The following ANKHD1 variants were observed in gnomAD, a reference collection of about 807,000 sequenced individuals.
ANKHD1 encodes ankyrin repeat and KH domain containing 1.
Under a neutral mutation model 230.5 loss-of-function variants are expected in ANKHD1, and 31 were observed. That is an observed-to-expected ratio of 0.13 (90% CI 0.10 to 0.18). The LOEUF (loss-of-function observed/expected upper bound fraction) is 0.18. Among genes scored for constraint, ANKHD1 ranks in the 10% least tolerant of loss-of-function variants. ANKHD1 has a pLI of 1.00. For synonymous variants in ANKHD1, 1,074 were observed against 1,117.6 expected, an observed-to-expected ratio of 0.96 and a Z score of 0.78; for missense variants, 2,256 against 3,071.3, an observed-to-expected ratio of 0.73 and a Z score of 6.27.
chr5:140,473,536 G>A (rs189471937), intron 10 of ANKHD1, among the ~76,000 whole-genome samples: 1 of 152,062 alleles, frequency 6.6e-6, no homozygotes, highest in East Asian at 1.9e-4. Flanking sequence ...CCCATCCCAG[G>A]CTCAAGTGAT....
chr5:140,464,613 A>G, intron 9 of ANKHD1, 54 bp from the exon 10 acceptor site: 1 of 1,443,812 alleles, frequency 6.9e-7, no homozygotes, highest in African/African-American at 1.4e-5. Context: ...AAATTGGACT[A>G]TCTAATACAA....
chr5:140,520,524 C>T (rs1169332416), intron 24 of ANKHD1, among the ~76,000 whole-genome samples: 2 of 151,770 alleles, frequency 1.3e-5, no homozygotes, highest in South Asian at 2.1e-4. Flanking sequence ...GACTTGGAAC[C>T]AACCCAAATG....
rs1753491474 is a variant in ANKHD1 at position 140,524,101 on chromosome 5, TAAAAGAGAAAAAAGAAAAG to T, written c.4372_4390del (p.Glu1458LysfsTer41). 2 of 1,586,600 alleles carry T rather than the reference TAAAAGAGAAAAAAGAAAAG, an allele frequency of 1.3e-6. No individual in the cohort carries two copies. The highest frequency in any genetic ancestry group is 2.3e-5 in the East Asian group (1 of 44,266). ...AGAGCAGAAAGCAGGCTCTTGCTGC[TAAAAGAGAAAAAAGAAAAG>T]AAAAGAGAAAAAAGAAAAAAGAGGA... On this transcript the variant is annotated frameshift_variant, in exon 25 of 34. Transcript: ENST00000360839. LOFTEE classifies it high-confidence loss of function.
In ANKHD1 at chr5:140,529,351, T is replaced by C. The variant is rs746991899; in HGVS notation, c.6405T>C (p.His2135=). ...CTGTACCAGCACCTCGAGTTTCTCA[T>C]CGAATGCAGCCCAGAGGTTCTTTTT... The part of the protein sequence containing the change: ...QLAVPAPRVS[H]RMQPRGSFYS... The change falls in exon 29 of 34, where the codon CAT becomes CAC. Residue 2135 remains histidine, a synonymous_variant. Coordinates refer to ENST00000360839, the MANE Select transcript of ANKHD1 (RefSeq NM_017747.3). 1 of 1,614,182 alleles carries C rather than the reference T, an allele frequency of 6.2e-7. No homozygotes were observed. Among genetic ancestry groups the C allele is most frequent in the Non-Finnish European group, 8.5e-7 (1 of 1,180,028 alleles).
chr5:140,479,561 GCA>G (rs1392198180), intron 10 of ANKHD1, among the ~76,000 whole-genome samples: 3 of 151,472 alleles, frequency 2.0e-5, no homozygotes, highest in Admixed American at 6.6e-5. Flanking sequence ...CCCATGATAT[GCA>G]CACATATATG....
In ANKHD1 at chr5:140,444,088, C is replaced by G. The variant is rs1297204185; in HGVS notation, c.914-1654C>G. 7.6e-5 allele frequency among the ~76,000 whole-genome samples: 11 copies of G among 145,394 alleles called. No individual in the cohort carries two copies. In the South Asian group the frequency reaches 9.0e-4, roughly 12 times the overall value. ...CTTGGTTGAGATGAAGTCCCCCCCC[C>G]CCTTTTTTTTTTTTTTAGCTGAAAT... On this transcript the variant is annotated intron_variant, in intron 5 of 33. Transcript: ENST00000360839.
chr5:140,536,171 C>T (rs1201184643), intron 30 of ANKHD1, among the ~76,000 whole-genome samples: 2 of 152,166 alleles, frequency 1.3e-5, no homozygotes, highest in African/African-American at 4.8e-5. Flanking sequence ...TTGGTTCACT[C>T]CACCTTCTGC....
intron 10 of ANKHD1, among the ~76,000 whole-genome samples, chr5:140,480,602 A>G (rs553528588): frequency 6.6e-6 from 1 of 152,226 alleles, no homozygotes; most frequent in African/African-American, 2.4e-5. Context: ...TCTAATAATA[A>G]CATATCAGTT....
At chr5:140,412,280 C>T (rs1431947808) in intron 1 of ANKHD1, among the ~76,000 whole-genome samples, 1 of 151,906 alleles carries the variant, frequency 6.6e-6, no homozygotes, top group African/African-American at 2.4e-5. Flanking sequence ...TTGTGATCTG[C>T]CCACCTCCCA....
chr5:140,429,724 TGA>T (rs1201854913), intron 1 of ANKHD1, among the ~76,000 whole-genome samples: 7 of 152,222 alleles, frequency 4.6e-5, no homozygotes, highest in Non-Finnish European at 7.3e-5. Flanking sequence ...AAATACAGTC[TGA>T]GAGAAGTTAA....
At chr5:140,420,846 A>T (rs1199470673) in intron 1 of ANKHD1, among the ~76,000 whole-genome samples, 2 of 152,056 alleles carry the variant, frequency 1.3e-5, no homozygotes, top group African/African-American at 2.4e-5. Flanking sequence ...TGTTCTCTTG[A>T]TGTGGTCTTT....
chr5:140,504,722 C>T (rs2127051013), intron 15 of ANKHD1, 99 bp from the exon 16 acceptor site: 1 of 1,457,154 alleles, frequency 6.9e-7, no homozygotes, highest in Non-Finnish European at 9.2e-7. Context: ...ACTATTACTA[C>T]ATATTACTGC....
At chr5:140,503,136 A>G (rs1034655284) in intron 15 of ANKHD1, among the ~76,000 whole-genome samples, 1 of 152,162 alleles carries the variant, frequency 6.6e-6, no homozygotes, top group East Asian at 1.9e-4. Flanking sequence ...ATTTTCCAAC[A>G]CTTAAAATGC....
chr5:140,500,619 GC>G (rs1401417096), intron 15 of ANKHD1, among the ~76,000 whole-genome samples: 1 of 143,386 alleles, frequency 7.0e-6, no homozygotes, highest in East Asian at 2.0e-4. Flanking sequence ...CTGCACTCCA[GC>G]ATGGGGCAAC....
intron 24 of ANKHD1, among the ~76,000 whole-genome samples, chr5:140,518,746 G>C (rs1753171199): frequency 6.6e-6 from 1 of 152,116 alleles, no homozygotes; most frequent in Admixed American, 6.6e-5. Flanking sequence ...AACCCTTCAT[G>C]CTAAAAACTC....
Position 140,505,712 on chromosome 5 carries a change from T to C in ANKHD1, c.3263-12T>C. On this transcript the variant is annotated splice_polypyrimidine_tract_variant and intron_variant, in intron 17 of 33. Transcript: ENST00000360839. ...ACATAAATTTGTTTAAGATTTTCAT[T>C]TTCTGATTTAGGTTTCACACCACTA... The C allele has an allele frequency of 6.3e-7, 1 of 1,576,400 alleles. No individual in the cohort carries two copies. The highest frequency in any genetic ancestry group is 1.2e-5 in the South Asian group (1 of 84,470).
At chr5:140,500,578 G>C (rs1239402656) in intron 15 of ANKHD1, among the ~76,000 whole-genome samples, 1 of 150,372 alleles carries the variant, frequency 6.7e-6, no homozygotes, top group Non-Finnish European at 1.5e-5. Context: ...AACCCAGGAG[G>C]CGGAGGTTGC....
intron 22 of ANKHD1, among the ~76,000 whole-genome samples, chr5:140,511,668 AGTT>A (rs1752775580): frequency 6.6e-6 from 1 of 152,234 alleles, no homozygotes; most frequent in African/African-American, 2.4e-5. Flanking sequence ...TTATATACCC[AGTT>A]GTTTAGCACA....
At chr5:140,403,697 C>T (rs1224118525) in intron 1 of ANKHD1, among the ~76,000 whole-genome samples, 2 of 152,166 alleles carry the variant, frequency 1.3e-5, no homozygotes, top group East Asian at 1.9e-4. Context: ...TTGACTGTGG[C>T]TTGCGTAGAG....
Sources: allele counts gnomAD v4.1 joint callset (sites outside exome capture counted in the v4.1 genomes callset), GRCh38; gene constraint gnomAD v4.1.1; transcripts MANE v1.5; gene names NCBI Gene and HGNC (gene_info 2026-07-23, HGNC 2026-07-21).